Variants in ACOX3 observed in about 807,000 individuals in gnomAD.
ACOX3 encodes peroxisomal acyl-coenzyme A oxidase 3.
ACOX3 carries 73 observed loss-of-function variants against 81.5 expected under a neutral mutation model. That is an observed-to-expected ratio of 0.90 (90% CI 0.74 to 1.09). The LOEUF is 1.09. Among genes scored for constraint, ACOX3 ranks in the 50% least tolerant of loss-of-function variants. The probability of loss-of-function intolerance (pLI) is 0.00; values close to 1 mark genes in which losing one functional copy is unlikely to be tolerated. For missense variants in ACOX3, 947 were observed against 928.0 expected (o/e 1.02, Z -0.27); for synonymous variants, 387 against 375.1 (o/e 1.03, Z -0.37).
Position 8,432,512 on chromosome 4 carries a change from C to G in ACOX3, c.-15+8136G>C, listed in dbSNP as rs141877922. Reference sequence around the variant, plus strand: ...CCTCCCAATGTGCTGGGATTACAGGCGTGAGCCACCGCGCCCGGCCTGATT... The same window carrying G: ...CCTCCCAATGTGCTGGGATTACAGGGGTGAGCCACCGCGCCCGGCCTGATT... On this transcript the variant is annotated intron_variant, in intron 1 of 17. Coordinates refer to ENST00000356406, the MANE Select transcript of ACOX3 (RefSeq NM_003501.3). The surrounding 1 kb of genome is among the most constrained non-coding windows in gnomAD (Gnocchi z 6.2). 6.6e-6 allele frequency among the ~76,000 whole-genome samples: 1 copy of G among 152,132 alleles called. No individual in the cohort carries two copies. Among genetic ancestry groups the G allele is most frequent in the Non-Finnish European group, 1.5e-5 (1 of 68,020 alleles).
At position 8,368,499 on chromosome 4, in the gene ACOX3, G is replaced by A. The variant is rs973384864; in HGVS notation, c.1984-1419C>T. The stretch of plus-strand genomic sequence containing the variant: ...ACCCCTCTGCCTGCACCCGCTAAAT[G>A]CACTTAGCAACCCCTCCTCCCCACT... On this transcript the variant is annotated intron_variant, in intron 17 of 17. Transcript: ENST00000356406. This position sits in a 1 kb window ranked among gnomAD's most constrained non-coding sequence, Gnocchi z 5.9. Among the ~76,000 whole-genome samples, 6 of 152,178 alleles carry A rather than the reference G, an allele frequency of 3.9e-5. No individual in the cohort carries two copies. The highest frequency in any genetic ancestry group is 1.4e-4 in the African/African-American group (6 of 41,464).
At chr4:8,396,544 G>A (rs998638809) in intron 9 of ACOX3, among the ~76,000 whole-genome samples, 18 of 151,918 alleles carry the variant, frequency 1.2e-4, no homozygotes, top group African/African-American at 2.2e-4. Flanking sequence ...GGGCATGGTG[G>A]TGCATGCCCA....
intron 14 of ACOX3, among the ~76,000 whole-genome samples, chr4:8,376,957 C>T (rs535574387): frequency 9.8e-4 from 149 of 152,220 alleles, no homozygotes; most frequent in Non-Finnish European, 1.7e-3. Context: ...GCTGATAATA[C>T]AGGCCTGTGG....
the ACOX3 span, chr4:8,357,115 T>C: frequency 2.2e-6 from 1 of 456,302 alleles, no homozygotes. Context: ...GTGAGCAGAA[T>C]GGTGCATGCT....
In ACOX3 at chr4:8,394,884, G is replaced by C; in HGVS notation, c.1057-142C>G. 1 of 1,155,668 alleles carries C rather than the reference G, an allele frequency of 8.7e-7. No individual in the cohort carries two copies. The highest frequency in any genetic ancestry group is 1.2e-6 in the Non-Finnish European group (1 of 847,866). 71.6% of individuals were successfully genotyped at this position (1,155,668 alleles called of 1,614,324 possible). On this transcript the variant is annotated intron_variant, in intron 9 of 17. Coordinates refer to ENST00000356406, the MANE Select transcript of ACOX3 (RefSeq NM_003501.3). This position sits in a 1 kb window ranked among gnomAD's most constrained non-coding sequence, Gnocchi z 5.9. Reference sequence around the variant, plus strand: ...GCTGAAGGTCTTCACATGTCTTCCCGGCACATCAGAAAGCCTTCACCCTGA... The same window carrying C: ...GCTGAAGGTCTTCACATGTCTTCCCCGCACATCAGAAAGCCTTCACCCTGA...
Position 8,394,158 on chromosome 4 carries a change from A to G in ACOX3, c.1179+462T>C, listed in dbSNP as rs534825929. On this transcript the variant is annotated intron_variant, in intron 10 of 17. Coordinates refer to ENST00000356406, the MANE Select transcript of ACOX3 (RefSeq NM_003501.3). The surrounding 1 kb of genome is among the most constrained non-coding windows in gnomAD (Gnocchi z 5.9). ...AAAATCAGTTCATAATCATCTACAA[A>G]GAAATCCGTTCCCGATGTCTCTTTA... 6.6e-6 allele frequency among the ~76,000 whole-genome samples: 1 copy of G among 152,336 alleles called. No individual in the cohort carries two copies. The highest frequency in any genetic ancestry group is 6.5e-5 in the Admixed American group (1 of 15,304).
chr4:8,356,736 G>A, the ACOX3 span: 1 of 456,672 alleles, frequency 2.2e-6, no homozygotes, highest in Non-Finnish European at 4.4e-6. Context: ...CAGGCGAGAG[G>A]AAGAAAGTGT....
In ACOX3 at chr4:8,382,704, C is replaced by A. The variant is rs1717822086; in HGVS notation, c.1538-1097G>T. 6.6e-6 allele frequency among the ~76,000 whole-genome samples: 1 copy of A among 152,196 alleles called. No individual in the cohort carries two copies. Reference sequence around the variant, plus strand: ...GCCCAGGTCACTGGGAAGAAAATACCCAACGTTGCTGGGCGCAGTGGCTCA... The same window carrying A: ...GCCCAGGTCACTGGGAAGAAAATACACAACGTTGCTGGGCGCAGTGGCTCA... On this transcript the variant is annotated intron_variant, in intron 13 of 17. Coordinates refer to ENST00000356406, the MANE Select transcript of ACOX3 (RefSeq NM_003501.3). The surrounding 1 kb of genome is among the most constrained non-coding windows in gnomAD (Gnocchi z 4.1).
Position 8,414,751 on chromosome 4 carries a change from A to T in ACOX3, c.453+103T>A. The T allele has an allele frequency of 5.2e-6, 6 of 1,155,158 alleles. No individual in the cohort carries two copies. The highest frequency in any genetic ancestry group is 7.8e-6 in the Non-Finnish European group (6 of 771,900). 71.6% of individuals were successfully genotyped at this position (1,155,158 alleles called of 1,614,324 possible). On this transcript the variant is annotated intron_variant, in intron 4 of 17. Coordinates refer to ENST00000356406, the MANE Select transcript of ACOX3 (RefSeq NM_003501.3). The surrounding 1 kb of genome is among the most constrained non-coding windows in gnomAD (Gnocchi z 6.1). ...GAACACTAGGAAACAAGAAGAGCAT[A>T]AGCCCCCTGGGCACCCCCTTCTACA... is the stretch of plus-strand genomic sequence containing the variant.
intron 17 of ACOX3, among the ~76,000 whole-genome samples, chr4:8,367,511 C>T (rs1185295211): frequency 6.6e-6 from 1 of 151,608 alleles, no homozygotes; most frequent in Non-Finnish European, 1.5e-5. Flanking sequence ...ACAACAATAA[C>T]AAAAAAGCAC....
chr4:8,424,151 A>G (rs1723226451), intron 1 of ACOX3, among the ~76,000 whole-genome samples: 1 of 152,236 alleles, frequency 6.6e-6, no homozygotes, highest in Non-Finnish European at 1.5e-5. Context: ...AAAACCATAA[A>G]GCAATTAAGA....
rs1722686604 is a variant in ACOX3 at position 8,419,382 on chromosome 4, C to T, written c.-14-2847G>A. Among the ~76,000 whole-genome samples, 1 of 151,268 alleles carries T rather than the reference C, an allele frequency of 6.6e-6. No individual in the cohort carries two copies. Among genetic ancestry groups the T allele is most frequent in the South Asian group, 2.1e-4 (1 of 4,804 alleles). On this transcript the variant is annotated intron_variant, in intron 1 of 17. Transcript: ENST00000356406. This position sits in a 1 kb window ranked among gnomAD's most constrained non-coding sequence, Gnocchi z 4.2. ...CCCGGGAGGCAGAGATTGCAGTAGC[C>T]TAGATTGCGCCACTGCACTCCAGCC...
chr4:8,377,468 A>C (rs1040213245), intron 14 of ACOX3, among the ~76,000 whole-genome samples: 1 of 152,066 alleles, frequency 6.6e-6, no homozygotes, highest in Non-Finnish European at 1.5e-5. Flanking sequence ...TCGGCTCTGC[A>C]GCTCTGCGCG....
intron 1 of ACOX3, among the ~76,000 whole-genome samples, chr4:8,433,692 T>C (rs1045541145): frequency 2.3e-4 from 35 of 152,362 alleles, no homozygotes; most frequent in African/African-American, 8.2e-4. Context: ...ATCACATGAT[T>C]TGAGTTAGTT....
In ACOX3 at chr4:8,384,939, G is replaced by C. The variant is rs935567151; in HGVS notation, c.1538-3332C>G. Among the ~76,000 whole-genome samples, 1 of 152,136 alleles carries C rather than the reference G, an allele frequency of 6.6e-6. No individual in the cohort carries two copies. The highest frequency in any genetic ancestry group is 1.5e-5 in the Non-Finnish European group (1 of 68,022). ...ACACCCTCAGGTGCCAGTTTTGTGG[G>C]AGACATTCCCTGACCCACCAAGGCA... On this transcript the variant is annotated intron_variant, in intron 13 of 17. Coordinates refer to ENST00000356406, the MANE Select transcript of ACOX3 (RefSeq NM_003501.3). The surrounding 1 kb of genome is among the most constrained non-coding windows in gnomAD (Gnocchi z 5.3).
intron 7 of ACOX3, among the ~76,000 whole-genome samples, chr4:8,403,558 G>A (rs1720595602): frequency 6.6e-6 from 1 of 152,236 alleles, no homozygotes; most frequent in Non-Finnish European, 1.5e-5. Context: ...TGGGGGCTCA[G>A]TGACCTGGCT....
At chr4:8,395,247 T>C (rs1560183192) in intron 9 of ACOX3, among the ~76,000 whole-genome samples, 1 of 798 alleles carries the variant, frequency 1.3e-3, no homozygotes, top group African/African-American at 5.9e-3. Context: ...TATTGTTGGA[T>C]GGGGGGGTGG....
At chr4:8,387,735 A>C (rs991658307) in intron 13 of ACOX3, among the ~76,000 whole-genome samples, 3 of 152,202 alleles carry the variant, frequency 2.0e-5, no homozygotes, top group Admixed American at 1.3e-4. Context: ...ATCCAGGAGC[A>C]GTAACGAGAG....
intron 1 of ACOX3, among the ~76,000 whole-genome samples, chr4:8,427,677 C>G (rs377240221): frequency 6.6e-6 from 1 of 152,232 alleles, no homozygotes; most frequent in East Asian, 1.9e-4. Flanking sequence ...TCCTTGGAAT[C>G]CATGAGGCCA....
Sources: allele counts gnomAD v4.1 joint callset (sites outside exome capture counted in the v4.1 genomes callset), GRCh38; gene constraint gnomAD v4.1.1; non-coding constraint Gnocchi (gnomAD v3.1); transcripts MANE v1.5; gene names NCBI Gene and HGNC (gene_info 2026-07-23, HGNC 2026-07-21).